The following DLC1 variants were observed in gnomAD, a reference collection of about 807,000 sequenced individuals.
DLC1 encodes DLC1 Rho GTPase activating protein.
DLC1 carries 54 observed loss-of-function variants against 140.3 expected under a neutral mutation model. The observed-to-expected ratio is 0.38, with a 90% confidence interval of 0.31 to 0.48. The LOEUF (loss-of-function observed/expected upper bound fraction) is 0.48. Ranked by LOEUF, DLC1 falls within the 20% of genes least tolerant of loss-of-function variation. DLC1 has a pLI of 0.96. For missense variants in DLC1, 2,536 were observed against 1,907.0 expected, an observed-to-expected ratio of 1.33 and a Z score of -6.14; for synonymous variants, 986 against 728.1, an observed-to-expected ratio of 1.35 and a Z score of -5.70.
At chr8:13,579,334 TATATATATATATATATATATATATA>T (rs1563453844) in intron 1 of DLC1, among the ~76,000 whole-genome samples, 2 of 18,536 alleles carry the variant, frequency 1.1e-4, no homozygotes, top group African/African-American at 1.8e-4. Context: ...TATATATATA[TATATATATATATATATATATATATA>T]TATTTTTATA....
chr8:13,442,178 C>T (rs1297597924), intron 2 of DLC1, among the ~76,000 whole-genome samples: 2 of 152,214 alleles, frequency 1.3e-5, no homozygotes, highest in Non-Finnish European at 2.9e-5. Flanking sequence ...TAGATCCTTT[C>T]CTTACACCTT....
chr8:13,130,782 CCT>C (rs1822010818), intron 5 of DLC1, among the ~76,000 whole-genome samples: 1 of 152,182 alleles, frequency 6.6e-6, no homozygotes, highest in African/African-American at 2.4e-5. Flanking sequence ...TCCCCAGTCC[CCT>C]TTTTGAACTT....
chr8:13,563,205 T>C lies in DLC1; in HGVS notation c.-126+41332A>G, dbSNP rs565049873. On this transcript the variant is annotated intron_variant, in intron 1 of 1. Transcript: ENST00000631382. The stretch of plus-strand genomic sequence containing the variant: ...TTAGCCAAATGCAGTCAGTGGACCT[T>C]GTTTGGATCCTGATTCTAACACTTC... Among the ~76,000 whole-genome samples the C allele has an allele frequency of 9.8e-4, 150 of 152,310 alleles. 2 individuals carry two copies. Among genetic ancestry groups the C allele is most frequent in the African/African-American group, 3.4e-3 (141 of 41,580 alleles).
chr8:13,215,584 C>G (rs118035837), intron 5 of DLC1, among the ~76,000 whole-genome samples: 142 of 151,818 alleles, frequency 9.4e-4, no homozygotes, highest in East Asian at 7.0e-3. Flanking sequence ...GACCCTATCT[C>G]AAAAAACAAA....
chr8:13,423,945 T>C (rs1585083698), intron 2 of DLC1, among the ~76,000 whole-genome samples: 1 of 152,358 alleles, frequency 6.6e-6, no homozygotes, highest in Admixed American at 6.5e-5. Flanking sequence ...TCTCATTATT[T>C]TTAAGATTCT....
chr8:13,339,899 T>C (rs985463884), intron 4 of DLC1: 2 of 152,200 alleles, frequency 1.3e-5, no homozygotes, highest in African/African-American at 4.8e-5. Flanking sequence ...GTCCGCTATG[T>C]GCTAAAAGCA....
At chr8:13,185,926 T>C (rs1009235811) in intron 5 of DLC1, among the ~76,000 whole-genome samples, 1 of 152,214 alleles carries the variant, frequency 6.6e-6, no homozygotes, top group Non-Finnish European at 1.5e-5. Context: ...TGGCTGGATA[T>C]GAAATTCTGG....
At position 13,152,428 on chromosome 8, in the gene DLC1, A is replaced by T. The variant is rs538755516; in HGVS notation, c.1349-36771T>A. Among the ~76,000 whole-genome samples, 77 of 152,330 alleles carry T rather than the reference A, an allele frequency of 5.1e-4. 1 individual carries two copies. In the Middle Eastern group the frequency reaches 0.01, roughly 20 times the overall value. ...GAATAATGTCAATGGTATCTCAATA[A>T]AGCTTTAATTAAAGCGTCTTTATTT... On this transcript the variant is annotated intron_variant, in intron 5 of 17. Coordinates refer to ENST00000276297, the MANE Select transcript of DLC1 (RefSeq NM_182643.3).
chr8:13,334,505 G>A (rs182275682), intron 4 of DLC1, among the ~76,000 whole-genome samples: 1 of 152,282 alleles, frequency 6.6e-6, no homozygotes, highest in East Asian at 1.9e-4. Flanking sequence ...GCAGGCAGGG[G>A]AGAAGGCAGG....
chr8:13,491,242 A>C (rs3964293), intron 2 of DLC1, among the ~76,000 whole-genome samples: 113,934 of 151,366 alleles, frequency 0.75, 44,275 homozygotes, highest in Middle Eastern at 0.9. Context: ...TCTCTAAACA[A>C]ATGCTTCTCA....
At chr8:13,144,817 T>A (rs1365711238) in intron 5 of DLC1, among the ~76,000 whole-genome samples, 1 of 152,212 alleles carries the variant, frequency 6.6e-6, no homozygotes, top group Non-Finnish European at 1.5e-5. Context: ...TCTATTTATC[T>A]GTCCTACTGG....
chr8:13,176,106 C>T (rs922484175), intron 5 of DLC1, among the ~76,000 whole-genome samples: 6 of 152,100 alleles, frequency 3.9e-5, no homozygotes, highest in African/African-American at 1.2e-4. Context: ...ATATAAACTT[C>T]TTTTTTTATT....
At chr8:13,218,177 G>A (rs1456034360) in intron 5 of DLC1, among the ~76,000 whole-genome samples, 2 of 152,162 alleles carry the variant, frequency 1.3e-5, no homozygotes, top group East Asian at 3.9e-4. Context: ...TGGGACAACT[G>A]ACTAGCCACA....
chr8:13,090,500 G>A (rs751522547), intron 14 of DLC1, 30 bp from the exon 15 acceptor site: 7 of 1,610,638 alleles, frequency 4.3e-6, no homozygotes, highest in East Asian at 2.2e-5. Context: ...CAGAAAGGAG[G>A]TGAGTCCACC....
At chr8:13,551,404 A>C (rs574887754) in intron 1 of DLC1, among the ~76,000 whole-genome samples, 1 of 152,060 alleles carries the variant, frequency 6.6e-6, no homozygotes, top group African/African-American at 2.4e-5. Flanking sequence ...ATGAATTTCC[A>C]TATCTCTGTT....
chr8:13,355,069 T>C (rs1245083486), intron 4 of DLC1, among the ~76,000 whole-genome samples: 1 of 152,022 alleles, frequency 6.6e-6, no homozygotes, highest in Non-Finnish European at 1.5e-5. Flanking sequence ...CTTACTGCAC[T>C]ATCAATTAAA....
intron 4 of DLC1, among the ~76,000 whole-genome samples, chr8:13,374,559 T>A (rs555889776): frequency 6.6e-6 from 1 of 151,858 alleles, no homozygotes; most frequent in Non-Finnish European, 1.5e-5. Flanking sequence ...CCGAGGCGGG[T>A]GGATCATGAG....
intron 5 of DLC1, among the ~76,000 whole-genome samples, chr8:13,125,549 T>C (rs1465236461): frequency 6.6e-6 from 1 of 152,148 alleles, no homozygotes; most frequent in Non-Finnish European, 1.5e-5. Flanking sequence ...TCTTTTCTCT[T>C]TACAAATGAG....
At chr8:13,188,801 G>GTGTGTA (rs1293675412) in intron 5 of DLC1, among the ~76,000 whole-genome samples, 3 of 71,904 alleles carry the variant, frequency 4.2e-5, no homozygotes, top group African/African-American at 2.0e-4. Context: ...GTGTGTGTGT[G>GTGTGTA]TATATATATA....
Sources: allele counts gnomAD v4.1 joint callset (sites outside exome capture counted in the v4.1 genomes callset), GRCh38; gene constraint gnomAD v4.1.1; transcripts MANE v1.5; gene names NCBI Gene and HGNC (gene_info 2026-07-23, HGNC 2026-07-21).